The following SYT2 variants were observed in gnomAD, a reference collection of about 807,000 sequenced individuals.
The protein encoded by SYT2 is synaptotagmin 2.
SYT2 carries 15 observed loss-of-function variants against 39.9 expected under a neutral mutation model. The ratio of observed to expected loss-of-function variants is 0.38; its 90% confidence interval spans 0.25 to 0.58. SYT2 has a LOEUF of 0.58. SYT2 is among the 20% of genes least tolerant of loss of function. The probability of loss-of-function intolerance (pLI) is 0.70; values close to 1 mark genes in which losing one functional copy is unlikely to be tolerated. For synonymous variants in SYT2, 181 were observed against 204.5 expected (o/e 0.89, Z 0.98); for missense variants, 389 against 530.3 (o/e 0.73, Z 2.62).
chr1:202,601,965 C>G lies in SYT2; in HGVS notation c.726G>C (p.Lys242Asn). 1.2e-6 allele frequency: 2 copies of G among 1,614,208 alleles called. No individual in the cohort carries two copies. The highest frequency in any genetic ancestry group is 1.7e-6 in the Non-Finnish European group (2 of 1,180,042). Residue 242 changes from lysine to asparagine, a missense_variant, in exon 6 of 9, where the codon AAG (lysine) becomes AAC (asparagine). Transcript: ENST00000367268. This position sits in a 1 kb window ranked among gnomAD's most constrained non-coding sequence, Gnocchi z 4.0. ...CGAGGTCCACTGTGTTCATAGGCACCTTTACCTCTCCAATGATGTCATGTT... is the reference window on the plus strand; with the variant it reads ...CGAGGTCCACTGTGTTCATAGGCACGTTTACCTCTCCAATGATGTCATGTT... ...FSKHDIIGEV[K>N]VPMNTVDLGQ...
chr1:202,620,490 G>A (rs1435909323), intron 1 of SYT2, among the ~76,000 whole-genome samples: 1 of 151,608 alleles, frequency 6.6e-6, no homozygotes, highest in Non-Finnish European at 1.5e-5. Context: ...ATCATGTAGA[G>A]AGCTGTCAGG....
intron 1 of SYT2, among the ~76,000 whole-genome samples, chr1:202,620,373 C>T (rs1344496064): frequency 6.6e-6 from 1 of 152,118 alleles, no homozygotes; most frequent in African/African-American, 2.4e-5. Context: ...GCCTCTGGCC[C>T]CCTTTGCTAG....
At chr1:202,700,864 T>G (rs1360618082) in intron 1 of SYT2, among the ~76,000 whole-genome samples, 1 of 152,220 alleles carries the variant, frequency 6.6e-6, no homozygotes, top group Non-Finnish European at 1.5e-5. Flanking sequence ...TGTGGATATT[T>G]TTCTTTGATA....
Position 202,600,491 on chromosome 1 carries a change from C to G in SYT2, c.802-17G>C. ...CTTCTCCGGCTGTCCAGGGGAAGAGCAGGACTTGGGTCATCTCACCCATCC... is the reference window on the plus strand; with the variant it reads ...CTTCTCCGGCTGTCCAGGGGAAGAGGAGGACTTGGGTCATCTCACCCATCC... On this transcript the variant is annotated splice_polypyrimidine_tract_variant and intron_variant, in intron 6 of 8. Transcript: ENST00000367268. 6.2e-7 allele frequency: 1 copy of G among 1,612,980 alleles called. No individual in the cohort carries two copies. Among genetic ancestry groups the G allele is most frequent in the Admixed American group, 1.7e-5 (1 of 60,020 alleles).
chr1:202,694,699 TCCCTCCTCC>T (rs1653929823), intron 1 of SYT2, among the ~76,000 whole-genome samples: 3 of 151,920 alleles, frequency 2.0e-5, no homozygotes, highest in South Asian at 4.2e-4. Flanking sequence ...CCTCGTCCTT[TCCCTCCTCC>T]TTCTCCTCTT....
At chr1:202,701,513 G>A (rs1654119860) in intron 1 of SYT2, among the ~76,000 whole-genome samples, 1 of 152,206 alleles carries the variant, frequency 6.6e-6, no homozygotes, top group Non-Finnish European at 1.5e-5. Flanking sequence ...AATCTTTGCT[G>A]CTTCATGAAA....
In SYT2 at chr1:202,594,023, A is replaced by G. The variant is rs1231439379; in HGVS notation, c.*2734T>C. ...GTTTAAGCTACGTCAGCCCTCAGGT[A>G]TGGAAAACACACAAGCAGAAGCATG... is the stretch of plus-strand genomic sequence containing the variant. On this transcript the variant is annotated 3_prime_UTR_variant, in exon 9 of 9. Coordinates refer to ENST00000367268, the MANE Select transcript of SYT2 (RefSeq NM_177402.5). 1 of 152,186 alleles carries G rather than the reference A, an allele frequency of 6.6e-6. No homozygotes were observed. The highest frequency in any genetic ancestry group is 2.4e-5 in the African/African-American group (1 of 41,388). 9.4% of individuals were successfully genotyped at this position (152,186 alleles called of 1,614,324 possible). A position where few individuals can be genotyped will look rare whatever the true frequency, so the allele number is the denominator to read the frequency against.
At chr1:202,656,146 G>A (rs1392996036) in intron 1 of SYT2, among the ~76,000 whole-genome samples, 2 of 151,910 alleles carry the variant, frequency 1.3e-5, no homozygotes, top group Non-Finnish European at 2.9e-5. Context: ...ACACACACAC[G>A]TGCACATATG....
chr1:202,682,021 C>T (rs988268599), intron 1 of SYT2, among the ~76,000 whole-genome samples: 5 of 152,220 alleles, frequency 3.3e-5, no homozygotes, highest in Admixed American at 6.5e-5. Context: ...GAGCCACAGC[C>T]TTCCTACTCC....
intron 1 of SYT2, among the ~76,000 whole-genome samples, chr1:202,667,808 G>C (rs1245825928): frequency 6.6e-6 from 1 of 152,048 alleles, no homozygotes; most frequent in Non-Finnish European, 1.5e-5. Context: ...TGCCTCCCGG[G>C]TTCAAGCGAT....
intron 1 of SYT2, among the ~76,000 whole-genome samples, chr1:202,679,547 T>C (rs912435663): frequency 5.3e-5 from 8 of 152,148 alleles, no homozygotes; most frequent in Non-Finnish European, 1.2e-4. Flanking sequence ...GTTTGGTGCA[T>C]TACTCTTCCT....
intron 1 of SYT2, among the ~76,000 whole-genome samples, chr1:202,620,223 GAC>G (rs1203969160): frequency 6.6e-6 from 1 of 152,260 alleles, no homozygotes; most frequent in Non-Finnish European, 1.5e-5. Context: ...TGGCCCCTGT[GAC>G]AGTGTCAGTC....
intron 1 of SYT2, among the ~76,000 whole-genome samples, chr1:202,609,091 T>G (rs1381531246): frequency 7.3e-6 from 1 of 137,884 alleles, no homozygotes; most frequent in African/African-American, 2.7e-5. Flanking sequence ...TGTGTTCTCA[T>G]TGTTCAATTC....
chr1:202,694,790 T>C (rs1653932652), intron 1 of SYT2, among the ~76,000 whole-genome samples: 1 of 151,392 alleles, frequency 6.6e-6, no homozygotes, highest in African/African-American at 2.4e-5. Context: ...CTCCTCTCCC[T>C]CCTCCTCCTC....
At chr1:202,698,015 G>T (rs1654016567) in intron 1 of SYT2, among the ~76,000 whole-genome samples, 1 of 152,080 alleles carries the variant, frequency 6.6e-6, no homozygotes, top group Admixed American at 6.5e-5. Context: ...CAGAGGGAAA[G>T]AAAACACAGC....
At chr1:202,664,074 C>G (rs369487494) in intron 1 of SYT2, among the ~76,000 whole-genome samples, 3 of 152,284 alleles carry the variant, frequency 2.0e-5, no homozygotes, top group African/African-American at 4.8e-5. Flanking sequence ...CTCTTTGCAA[C>G]GCAGGTAGGG....
intron 1 of SYT2, among the ~76,000 whole-genome samples, chr1:202,660,498 T>C (rs1018277899): frequency 1.3e-5 from 2 of 152,174 alleles, no homozygotes; most frequent in African/African-American, 4.8e-5. Flanking sequence ...TAACATGCAT[T>C]GAAAATCTTC....
intron 1 of SYT2, among the ~76,000 whole-genome samples, chr1:202,619,302 A>G (rs985432542): frequency 4.0e-4 from 61 of 152,162 alleles, no homozygotes; most frequent in African/African-American, 1.4e-3. Context: ...GTCTGGTCAG[A>G]ATCACCCGAG....
chr1:202,701,230 G>A (rs569468881), intron 1 of SYT2, among the ~76,000 whole-genome samples: 2 of 152,174 alleles, frequency 1.3e-5, no homozygotes, highest in Non-Finnish European at 2.9e-5. Flanking sequence ...AGCTCACTTC[G>A]TTCATTTTTG....
Sources: gnomAD v4.1 joint callset for allele counts (sites outside exome capture counted in the v4.1 genomes callset) on GRCh38, gnomAD v4.1.1 for gene constraint, Gnocchi (gnomAD v3.1) non-coding constraint, MANE v1.5 for transcripts, NCBI Gene and HGNC (gene_info 2026-07-23, HGNC 2026-07-21) for gene names.